TMX3: variants seen among roughly 807,000 people sequenced by gnomAD.
TMX3 encodes the protein thioredoxin related transmembrane protein 3, also known as protein disulfide-isomerase TMX3.
TMX3 carries 40 observed loss-of-function variants against 64.4 expected under a neutral mutation model. The observed-to-expected ratio is 0.62, with a 90% CI of 0.48 to 0.81. The LOEUF is 0.81. TMX3 is among the 30% of genes least tolerant of loss of function. TMX3 has a pLI of 0.00. For synonymous variants in TMX3, 189 were observed against 175.7 expected, an observed-to-expected ratio of 1.08 and a Z score of -0.60; for missense variants, 497 against 534.5, an observed-to-expected ratio of 0.93 and a Z score of 0.69.
intron 14 of TMX3, among the ~76,000 whole-genome samples, chr18:68,680,158 C>A (rs920642353): frequency 3.0e-4 from 45 of 152,158 alleles, no homozygotes; most frequent in African/African-American, 1.0e-3. Flanking sequence ...GTTTTTCAAA[C>A]TTCTTCACCT....
chr18:68,696,555 C>T (rs892749280), intron 8 of TMX3, among the ~76,000 whole-genome samples: 1 of 152,062 alleles, frequency 6.6e-6, no homozygotes, highest in African/African-American at 2.4e-5. Context: ...TGTCTCACTG[C>T]AGCCTCTGCC....
Position 68,697,691 on chromosome 18 carries a change from TAAC to T in TMX3, c.492+238_492+240del, listed in dbSNP as rs1286558402. The T allele has an allele frequency of 3.6e-5, 16 of 446,094 alleles. No homozygotes were observed. The Admixed American group carries it at 5.9e-4, about 16-fold the overall frequency. 27.6% of individuals were successfully genotyped at this position (446,094 alleles called of 1,614,324 possible). Reference sequence around the variant, plus strand: ...CACAAGACTTAAATAACCAGGTTAATAACAGAAAAAAATGCTAAGGCAGGCAAC... The same window carrying T: ...CACAAGACTTAAATAACCAGGTTAATAGAAAAAAATGCTAAGGCAGGCAAC... On this transcript the variant is annotated intron_variant, in intron 7 of 15. Transcript: ENST00000299608.
At chr18:68,692,383 G>T in intron 8 of TMX3, among the ~76,000 whole-genome samples, 1 of 152,070 alleles carries the variant, frequency 6.6e-6, no homozygotes, top group Middle Eastern at 3.4e-3. Context: ...TTCCTCTCCC[G>T]TGTGTTTTTT....
At chr18:68,700,225 C>T (rs894518487) in intron 6 of TMX3, among the ~76,000 whole-genome samples, 180 bp downstream of exon 6, 7 of 152,026 alleles carry the variant, frequency 4.6e-5, no homozygotes, top group African/African-American at 1.7e-4. Context: ...ACCATGGTCT[C>T]TTTCTTTAAA....
intron 4 of TMX3, among the ~76,000 whole-genome samples, chr18:68,702,873 A>T (rs2030254941): frequency 6.6e-6 from 1 of 152,098 alleles, no homozygotes; most frequent in Non-Finnish European, 1.5e-5. Context: ...TCATTTGTCA[A>T]CTCTAGTTTC....
chr18:68,702,571 G>T (rs1255533093), intron 4 of TMX3, among the ~76,000 whole-genome samples: 1 of 152,084 alleles, frequency 6.6e-6, no homozygotes, highest in Non-Finnish European at 1.5e-5. Context: ...GGACAGGAAA[G>T]AAGAAATAAA....
intron 14 of TMX3, 95 bp downstream of exon 14, chr18:68,680,886 C>A: frequency 5.4e-6 from 7 of 1,284,490 alleles, no homozygotes; most frequent in Non-Finnish European, 6.2e-6. Flanking sequence ...GGGTGATGGC[C>A]AACTATTCTT....
intron 9 of TMX3, among the ~76,000 whole-genome samples, chr18:68,689,393 G>GTT (rs537861563): frequency 4.2e-5 from 6 of 142,750 alleles, no homozygotes; most frequent in African/African-American, 1.3e-4. Flanking sequence ...TATGATCAGT[G>GTT]TTTTTTTTTT....
chr18:68,676,157 G>A lies in TMX3; in HGVS notation c.*776C>T, dbSNP rs1260627408. ...TAGAAATAAAATACTAGGCTATTCT[G>A]GCTAAAGCAGAGTAGGATTAACAGA... is the stretch of plus-strand genomic sequence containing the variant. On this transcript the variant is annotated 3_prime_UTR_variant, in exon 16 of 16. Transcript: ENST00000299608. 1.3e-5 allele frequency: 2 copies of A among 152,094 alleles called. No homozygotes were observed. Among genetic ancestry groups the A allele is most frequent in the Admixed American group, 6.6e-5 (1 of 15,248 alleles). The allele number at this position is 152,094 out of a possible 1,614,324, so 9.4% of individuals were successfully genotyped here. A position where few individuals can be genotyped will look rare whatever the true frequency, so the allele number is the denominator to read the frequency against.
At chr18:68,697,182 TAATA>T (rs778670112) in intron 8 of TMX3, 40 bp downstream of exon 8, 13 of 1,002,668 alleles carry the variant, frequency 1.3e-5, no homozygotes, top group African/African-American at 1.7e-5. Flanking sequence ...AGTAATAATT[TAATA>T]AATAAAATTG....
chr18:68,711,309 A>G, intron 3 of TMX3, 55 bp downstream of exon 3: 3 of 1,401,024 alleles, frequency 2.1e-6, no homozygotes, highest in East Asian at 2.4e-5. Context: ...AGAATAGAAA[A>G]TAATACTTAA....
chr18:68,678,860 T>G (rs309206), intron 15 of TMX3, among the ~76,000 whole-genome samples: 20,110 of 151,624 alleles, frequency 0.13, 4,003 homozygotes, highest in African/African-American at 0.43. Context: ...TAGAAAGGAT[T>G]TGATCCATCA....
intron 9 of TMX3, chr18:68,689,590 CA>C (rs1309517572): frequency 6.6e-6 from 1 of 151,934 alleles, no homozygotes; most frequent in Non-Finnish European, 1.5e-5. Flanking sequence ...TTGTAATGAT[CA>C]AATATAAGAT....
chr18:68,702,147 A>C, intron 4 of TMX3, among the ~76,000 whole-genome samples: 1 of 120,032 alleles, frequency 8.3e-6, no homozygotes, highest in Non-Finnish European at 1.6e-5. Flanking sequence ...CAAGACAAAT[A>C]TTTCTTCTAG....
intron 9 of TMX3, 49 bp downstream of exon 9, chr18:68,691,246 A>C: frequency 7.6e-7 from 1 of 1,318,678 alleles, no homozygotes. Flanking sequence ...TGTATAACAG[A>C]CATTTTAATT....
chr18:68,714,585 G>GC (rs2031711791), intron 1 of TMX3: 10 of 375,786 alleles, frequency 2.7e-5, no homozygotes, highest in Non-Finnish European at 4.8e-5. Flanking sequence ...GGAACCTAAA[G>GC]CCAAGGCAAG....
In TMX3 at chr18:68,697,924, A is replaced by T. The variant is rs773285558; in HGVS notation, c.492+8T>A. On this transcript the variant is annotated splice_region_variant and intron_variant, in intron 7 of 15. Coordinates refer to ENST00000299608, the MANE Select transcript of TMX3 (RefSeq NM_019022.5). ...CATCTGTTTTTGTGGATTAAAAAAA[A>T]GTCTTACTTTCAAAGGTGATTCTCC... The T allele has an allele frequency of 1.3e-6, 2 of 1,573,018 alleles. No individual in the cohort carries two copies. Among genetic ancestry groups the T allele is most frequent in the African/African-American group, 2.7e-5 (2 of 73,996 alleles).
intron 10 of TMX3, among the ~76,000 whole-genome samples, chr18:68,685,234 T>C (rs1203245071): frequency 2.6e-5 from 4 of 152,178 alleles, no homozygotes; most frequent in East Asian, 1.9e-4. Flanking sequence ...CATAGAGTTA[T>C]TGGGAGAGTT....
chr18:68,693,933 T>C (rs1196456681), intron 8 of TMX3, among the ~76,000 whole-genome samples: 2 of 152,270 alleles, frequency 1.3e-5, no homozygotes, highest in South Asian at 2.1e-4. Flanking sequence ...TCCTCGATTC[T>C]GAGCACGTAA....
Sources: allele counts gnomAD v4.1 joint callset (sites outside exome capture counted in the v4.1 genomes callset), GRCh38; gene constraint gnomAD v4.1.1; transcripts MANE v1.5; gene names NCBI Gene and HGNC (gene_info 2026-07-23, HGNC 2026-07-21).